Variants in RPL10 observed in about 807,000 individuals in gnomAD.
RPL10 encodes the protein large ribosomal subunit protein uL16.
A neutral mutation model predicts 15.7 loss-of-function variants in RPL10; 1 was observed. That is an observed-to-expected ratio of 0.06 (90% confidence interval 0.02 to 0.30). The LOEUF is 0.30. Among genes scored for constraint, RPL10 ranks in the 10% least tolerant of loss-of-function variants. The probability of loss-of-function intolerance (pLI) is 1.00; values close to 1 mark genes in which losing one functional copy is unlikely to be tolerated. For synonymous variants in RPL10, 59 were observed against 64.0 expected (o/e 0.92, Z 0.37); for missense variants, 54 against 183.4 (o/e 0.29, Z 4.08).
intron 1 of RPL10, 40 bp from the exon 2 acceptor site, chrX:154,398,457 G>T (rs1192641886): frequency 2.5e-6 from 3 of 1,197,923 alleles, no homozygotes; most frequent in Admixed American, 2.2e-5. Flanking sequence ...TTTTAGGTCT[G>T]TTCTCGTCTT....
chrX:154,399,634 C>CT (rs782551149), intron 4 of RPL10, 40 bp downstream of exon 4: 1 of 1,175,297 alleles, frequency 8.5e-7, no homozygotes, highest in Non-Finnish European at 1.2e-6. Flanking sequence ...CCAGTCCTTC[C>CT]TCCGTGCTCC....
Position 154,399,484 on chromosome X carries a change from T to C in RPL10, c.83-3T>C. ...CCCCTGCACACTTACCCAATCCTTT[T>C]AGATGCCAAGATTCGCATTTTTGAC... On this transcript the variant is annotated splice_polypyrimidine_tract_variant and splice_region_variant and intron_variant, in intron 3 of 6. Coordinates refer to ENST00000369817, the MANE Select transcript of RPL10 (RefSeq NM_006013.5). The C allele has an allele frequency of 2.5e-6, 3 of 1,210,469 alleles. No homozygotes were observed. The highest frequency in any genetic ancestry group is 3.4e-6 in the Non-Finnish European group (3 of 894,060).
In RPL10 at chrX:154,400,872, C is replaced by T; in HGVS notation, c.*18C>T. The stretch of plus-strand genomic sequence containing the variant: ...ACTCATGAGGGCTTCCAATGTGCTG[C>T]CCCCCTCTTAATACTCACCAATAAA... On this transcript the variant is annotated 3_prime_UTR_variant, in exon 7 of 7. Coordinates refer to ENST00000369817, the MANE Select transcript of RPL10 (RefSeq NM_006013.5). 6 of 1,210,844 alleles carry T rather than the reference C, an allele frequency of 5.0e-6. No homozygotes were observed. The highest frequency in any genetic ancestry group is 6.7e-6 in the Non-Finnish European group (6 of 895,115).
Position 154,401,012 on chromosome X carries a change from C to T in RPL10, c.*158C>T, listed in dbSNP as rs2148142419. On this transcript the variant is annotated 3_prime_UTR_variant, in exon 7 of 7. Transcript: ENST00000369817. ...CTTCAGAAACAGGTTGACAACTCAGCCCTGCTCATGAGGCAGCAAACCCTG... is the reference window on the plus strand; with the variant it reads ...CTTCAGAAACAGGTTGACAACTCAGTCCTGCTCATGAGGCAGCAAACCCTG... 1 of 1,159,648 alleles carries T rather than the reference C, an allele frequency of 8.6e-7. No homozygotes were observed.
In RPL10 at chrX:154,401,499, ACCT is replaced by A. The variant is rs1310905682; in HGVS notation, c.*647_*649del. ...CTAACCTTTGGTCATTTGTAACAAG[ACCT>A]CGGAACAGACACGTGTGTGGCATGG... On this transcript the variant is annotated 3_prime_UTR_variant, in exon 7 of 7. Coordinates refer to ENST00000369817, the MANE Select transcript of RPL10 (RefSeq NM_006013.5). 1.7e-5 allele frequency: 2 copies of A among 120,746 alleles called. No individual in the cohort carries two copies. The highest frequency in any genetic ancestry group is 3.4e-5 in the Non-Finnish European group (2 of 58,080). The allele number at this position is 120,746 out of a possible 1,213,427, so 10.0% of individuals were successfully genotyped here.
intron 5 of RPL10, 49 bp downstream of exon 5, chrX:154,399,990 A>G: frequency 8.4e-7 from 1 of 1,196,225 alleles, no homozygotes; most frequent in Non-Finnish European, 1.1e-6. Flanking sequence ...CTACATTATT[A>G]GGCTTGCATT....
chrX:154,398,514 G>T lies in RPL10; in HGVS notation c.-6G>T. The stretch of plus-strand genomic sequence containing the variant: ...CGTTGCAGCCACTGAAGATCCTGGT[G>T]TCGCCATGGGCCGCCGCCCCGCCCG... On this transcript the variant is annotated 5_prime_UTR_variant, in exon 2 of 7. Transcript: ENST00000369817. 1 of 1,211,424 alleles carries T rather than the reference G, an allele frequency of 8.3e-7. No homozygotes were observed. Among genetic ancestry groups the T allele is most frequent in the Non-Finnish European group, 1.1e-6 (1 of 895,470 alleles).
chrX:154,399,341 C>T lies in RPL10; in HGVS notation c.27C>T (p.Tyr9=). MGRRPARC[Y]RYCKNKPYPK... ...GTGTTTTTTCACTCCCCTGCAGTTA[C>T]CGGTATTGTAAGAACAAGCCGTACC... Residue 9 remains tyrosine (Y), a synonymous_variant, in exon 3 of 7, where the codon TAC becomes TAT. Transcript: ENST00000369817. 1 of 1,211,465 alleles carries T rather than the reference C, an allele frequency of 8.3e-7. No homozygotes were observed. Among genetic ancestry groups the T allele is most frequent in the African/African-American group, 1.7e-5 (1 of 57,700 alleles).
intron 2 of RPL10, 75 bp downstream of exon 2, chrX:154,398,617 AT>A: frequency 8.7e-7 from 1 of 1,148,251 alleles, no homozygotes; most frequent in South Asian, 1.8e-5. Context: ...GCTGAAAACA[AT>A]TGTGGGGTGG....
rs12559 is a variant in RPL10, at chrX:154,401,952, T to C, written c.*1098T>C. On this transcript the variant is annotated 3_prime_UTR_variant, in exon 7 of 7. Transcript: ENST00000369817. ...GAGGATGGAAGGGAGGGGTCCGGCA[T>C]GCTGCTGGCATTTTGCTGTGTCCTG... The C allele has an allele frequency of 0.3, 33,775 of 111,106 alleles. 7,244 individuals carry two copies. Among genetic ancestry groups the C allele is most frequent in the African/African-American group, 0.77 (23,356 of 30,287 alleles). 9.2% of individuals were successfully genotyped at this position (111,106 alleles called of 1,213,427 possible). A position where few individuals can be genotyped will look rare whatever the true frequency, so the allele number is the denominator to read the frequency against.
rs782608887 is a variant in RPL10 at position 154,399,953 on chromosome X, C to G, written c.329+12C>G. 9 of 1,210,080 alleles carry G rather than the reference C, an allele frequency of 7.4e-6. No individual in the cohort carries two copies. The highest frequency in any genetic ancestry group is 7.0e-5 in the African/African-American group (4 of 57,357). ...GCTGGGGCTGACAGGTGAGCTTGGT[C>G]TGGGCCTTTTAAGGCAGTTGGAGTC... On this transcript the variant is annotated intron_variant, in intron 5 of 6. Coordinates refer to ENST00000369817, the MANE Select transcript of RPL10 (RefSeq NM_006013.5).
At chrX:154,400,047 C>T (rs1454722070) in intron 5 of RPL10, 106 bp downstream of exon 5, 1 of 1,030,420 alleles carries the variant, frequency 9.7e-7, no homozygotes. Context: ...GCCACTATGG[C>T]TACTAGAAAA....
chrX:154,398,749 C>T, intron 2 of RPL10: 2 of 480,216 alleles, frequency 4.2e-6, no homozygotes, highest in Non-Finnish European at 7.3e-6. Flanking sequence ...GTGGAAGCGA[C>T]GGTTCCCTCG....
rs1557185338 is a variant in RPL10 at position 154,399,612 on chromosome X, G to A, written c.190+18G>A. The A allele has an allele frequency of 8.4e-7, 1 of 1,195,439 alleles. No homozygotes were observed. Among genetic ancestry groups the A allele is most frequent in the Non-Finnish European group, 1.1e-6 (1 of 880,703 alleles). On this transcript the variant is annotated intron_variant, in intron 4 of 6. Coordinates refer to ENST00000369817, the MANE Select transcript of RPL10 (RefSeq NM_006013.5). ...CTCTGAAGGTAAGGCAGGATTCTTT[G>A]TTCGTCACCCCCCAGTCCTTCCTCC...
intron 5 of RPL10, chrX:154,400,255 G>A (rs1343845632): frequency 2.8e-5 from 16 of 574,105 alleles, no homozygotes; most frequent in Non-Finnish European, 4.3e-5. Context: ...GCCCAGTGGC[G>A]CCTTTTCAGT....
chrX:154,400,545 C>A lies in RPL10; in HGVS notation c.411C>A (p.Ser137=). 8.3e-7 allele frequency: 1 copy of A among 1,208,629 alleles called. No individual in the cohort carries two copies. The highest frequency in any genetic ancestry group is 1.1e-6 in the Non-Finnish European group (1 of 894,655). The change falls in exon 6 of 7, where the codon TCC becomes TCA. Residue 137 remains serine (S), a synonymous_variant. Coordinates refer to ENST00000369817, the MANE Select transcript of RPL10 (RefSeq NM_006013.5). ...ARVHIGQVIM[S]IRTKLQNKEH... is the part of the protein sequence containing the mutation. Reference sequence around the variant, plus strand: ...TTCACATTGGCCAAGTTATCATGTCCATCCGCACCAAGCTGCAGAACAAGG... The same window carrying A: ...TTCACATTGGCCAAGTTATCATGTCAATCCGCACCAAGCTGCAGAACAAGG...
At chrX:154,398,684 C>T (rs782302585) in intron 2 of RPL10, 142 bp downstream of exon 2, 1 of 735,861 alleles carries the variant, frequency 1.4e-6, no homozygotes, top group African/African-American at 2.1e-5. Context: ...TTTACACCTC[C>T]CGGCTATTTT....
At position 154,401,300 on chromosome X, in the gene RPL10, T is replaced by G; in HGVS notation, c.*446T>G. ...GGGTAGGTGTGCATCACATTGGGCT[T>G]GTTCTCACCCATCTGGTTTGGCCAT... On this transcript the variant is annotated 3_prime_UTR_variant, in exon 7 of 7. Transcript: ENST00000369817. 1 of 209,485 alleles carries G rather than the reference T, an allele frequency of 4.8e-6. No homozygotes were observed. The highest frequency in any genetic ancestry group is 6.4e-5 in the Admixed American group (1 of 15,512). 17.3% of individuals were successfully genotyped at this position (209,485 alleles called of 1,213,427 possible).
chrX:154,399,779 G>A, intron 4 of RPL10, 24 bp from the exon 5 acceptor site: 2 of 1,210,217 alleles, frequency 1.7e-6, no homozygotes, highest in African/African-American at 3.5e-5. Context: ...CTCTCACTTT[G>A]CTGCTTTTCT....
Sources: allele counts gnomAD v4.1 joint callset, GRCh38; gene constraint gnomAD v4.1.1; transcripts MANE v1.5; gene names NCBI Gene and HGNC (gene_info 2026-07-23, HGNC 2026-07-21).